The following MCAM variants were observed in gnomAD, a reference collection of about 807,000 sequenced individuals.
MCAM encodes cell surface glycoprotein MUC18.
Under a neutral mutation model 79.1 loss-of-function variants are expected in MCAM, and 55 were observed. The observed-to-expected ratio is 0.70, with a 90% CI of 0.56 to 0.87. The LOEUF (loss-of-function observed/expected upper bound fraction) is 0.87. MCAM is among the 40% of genes least tolerant of loss of function. The pLI is 0.00. For synonymous variants in MCAM, 330 were observed against 339.8 expected, an observed-to-expected ratio of 0.97 and a Z score of 0.32; for missense variants, 745 against 839.8, an observed-to-expected ratio of 0.89 and a Z score of 1.40.
Position 119,314,823 on chromosome 11 carries a change from G to A in MCAM, c.400+10C>T, listed in dbSNP as rs1337603133. On this transcript the variant is annotated intron_variant, in intron 3 of 15. Transcript: ENST00000264036. ...CTCACTACCCTGCTGGCAGACACAGGGTCACGCACTGTAGACGCGGAGCTG... is the reference window on the plus strand; with the variant it reads ...CTCACTACCCTGCTGGCAGACACAGAGTCACGCACTGTAGACGCGGAGCTG... 6.2e-7 allele frequency: 1 copy of A among 1,613,372 alleles called. No individual in the cohort carries two copies. Among genetic ancestry groups the A allele is most frequent in the African/African-American group, 1.3e-5 (1 of 74,916 alleles).
At chr11:119,310,974 T>C (rs1950225591) in intron 13 of MCAM, 71 bp from the exon 14 acceptor site, 1 of 1,613,592 alleles carries the variant, frequency 6.2e-7, no homozygotes, top group African/African-American at 1.3e-5. Flanking sequence ...GCCCAGCCAG[T>C]CCAGGGCCGA....
chr11:119,310,709 C>A, intron 14 of MCAM, 47 bp downstream of exon 14: 1 of 1,592,616 alleles, frequency 6.3e-7, no homozygotes, highest in South Asian at 1.1e-5. Flanking sequence ...AGGCAGCAGG[C>A]TGGGTGGCAA....
chr11:119,313,208 C>A (rs1323296597), intron 5 of MCAM: 1 of 1,448,896 alleles, frequency 6.9e-7, no homozygotes, highest in African/African-American at 1.4e-5. Context: ...GAGCAGCCGT[C>A]TAGATGTCCA....
At chr11:119,313,445 TG>T in intron 5 of MCAM, 8 of 700,894 alleles carry the variant, frequency 1.1e-5, no homozygotes, top group Non-Finnish European at 1.6e-5. Flanking sequence ...TTGCCCAGGC[TG>T]GAGTGCAGTG....
chr11:119,310,243 C>G, intron 15 of MCAM, 106 bp downstream of exon 15: 1 of 820,766 alleles, frequency 1.2e-6, no homozygotes. Context: ...GGGGCCTGCT[C>G]CCTATCTCTG....
chr11:119,314,857 A>G lies in MCAM; in HGVS notation c.376T>C (p.Tyr126His). Residue 126 changes from tyrosine to histidine, a missense_variant, in exon 3 of 16, where the codon TAC becomes CAC. Tyr to His is a moderately conservative substitution (Grantham distance 83). Transcript: ENST00000264036. The stretch of plus-strand genomic sequence containing the variant: ...CTGTAGACGCGGAGCTGGATGCGGT[A>G]CTCCTGGGACCGAGGGCGCTTGCCC... ...CQGKRPRSQE[Y>H]RIQLRVYKAP... The G allele has an allele frequency of 6.2e-7, 1 of 1,613,494 alleles. No individual in the cohort carries two copies. The highest frequency in any genetic ancestry group is 1.1e-5 in the South Asian group (1 of 91,074).
At position 119,311,561 on chromosome 11, in the gene MCAM, C is replaced by G. The variant is rs377301042; in HGVS notation, c.1376G>C (p.Arg459Pro). The part of the protein sequence containing the change: ...NLSCEASGHP[R>P]PTISWNVNGT... ...GTTGACGTTCCAGGAGATGGTGGGC[C>G]GGGGGTGCCCTGACGCTTCACAAGA... The change falls in exon 11 of 16, where the codon CGG (arginine) becomes CCG (proline). Residue 459 changes from arginine to proline, a missense_variant. Arg to Pro is a moderately radical substitution (Grantham distance 103). Coordinates refer to ENST00000264036, the MANE Select transcript of MCAM (RefSeq NM_006500.3). This position sits in a 1 kb window ranked among gnomAD's most constrained non-coding sequence, Gnocchi z 4.4. The G allele has an allele frequency of 6.2e-7, 1 of 1,614,070 alleles. No homozygotes were observed. The highest frequency in any genetic ancestry group is 1.1e-5 in the South Asian group (1 of 91,078).
chr11:119,314,007 T>C (rs917001241), intron 5 of MCAM: 1 of 982,090 alleles, frequency 1.0e-6, no homozygotes, highest in African/African-American at 1.8e-5. Flanking sequence ...GCAGAGATTA[T>C]TTCTGGGAGG....
chr11:119,315,086 G>A lies in MCAM; in HGVS notation c.193-46C>T. 6.2e-7 allele frequency: 1 copy of A among 1,611,478 alleles called. No homozygotes were observed. The highest frequency in any genetic ancestry group is 8.5e-7 in the Non-Finnish European group (1 of 1,179,758). ...GGAGGAGAAGGGTCCTGGGCTACAA[G>A]AGGGGCAGAGTCTCCCTCCCCGGGC... On this transcript the variant is annotated intron_variant, in intron 2 of 15. Coordinates refer to ENST00000264036, the MANE Select transcript of MCAM (RefSeq NM_006500.3). The surrounding 1 kb of genome is among the most constrained non-coding windows in gnomAD (Gnocchi z 4.4).
At chr11:119,310,230 G>GT in intron 15 of MCAM, 119 bp downstream of exon 15, 1 of 765,266 alleles carries the variant, frequency 1.3e-6, no homozygotes, top group African/African-American at 1.7e-5. Context: ...AAGAAGGCAA[G>GT]ATGGGGCCTG....
rs1355845278 is a variant in MCAM at position 119,309,857 on chromosome 11, G to A, written c.*29C>T. 2.5e-6 allele frequency: 4 copies of A among 1,590,120 alleles called. No individual in the cohort carries two copies. In the East Asian group the frequency reaches 9.0e-5, roughly 36 times the overall value. ...GAGCAGGGAGCTGGGAATGGTCCAG[G>A]CAGGGAAGGGAGCTGAAGTGATTCG... On this transcript the variant is annotated 3_prime_UTR_variant, in exon 16 of 16. Transcript: ENST00000264036.
chr11:119,312,939 A>G lies in MCAM; in HGVS notation c.570T>C (p.Ile190=), dbSNP rs1469815224. ...PLKEEKNRVH[I]QSSQTVESSG... Reference sequence around the variant, plus strand: ...TCGACTCCACAGTCTGGGACGACTGAATGTGGACCCCTGGGCAGGGAGGAA... The same window carrying G: ...TCGACTCCACAGTCTGGGACGACTGGATGTGGACCCCTGGGCAGGGAGGAA... The change falls in exon 6 of 16, where the codon ATT becomes ATC. Residue 190 remains isoleucine, a synonymous_variant. Coordinates refer to ENST00000264036, the MANE Select transcript of MCAM (RefSeq NM_006500.3). The surrounding 1 kb of genome is among the most constrained non-coding windows in gnomAD (Gnocchi z 4.9). The G allele has an allele frequency of 6.2e-7, 1 of 1,614,092 alleles. No homozygotes were observed. Among genetic ancestry groups the G allele is most frequent in the Non-Finnish European group, 8.5e-7 (1 of 1,180,026 alleles).
In MCAM at chr11:119,312,106, C is replaced by T; in HGVS notation, c.1089G>A (p.Leu363=). 2 of 1,613,452 alleles carry T rather than the reference C, an allele frequency of 1.2e-6. No homozygotes were observed. The highest frequency in any genetic ancestry group is 1.7e-6 in the Non-Finnish European group (2 of 1,179,796). Reference sequence around the variant, plus strand: ...CCTGGCTACTCTCTGCCTCACAGGTCAGGGTGAGGCTGCTGCCTTCCTGTC... The same window carrying T: ...CCTGGCTACTCTCTGCCTCACAGGTTAGGGTGAGGCTGCTGCCTTCCTGTC... ...PERQEGSSLT[L]TCEAESSQDL... is the part of the protein sequence containing the mutation. Residue 363 remains leucine (L), a synonymous_variant, in exon 9 of 16, where the codon CTG becomes CTA. Coordinates refer to ENST00000264036, the MANE Select transcript of MCAM (RefSeq NM_006500.3). This position sits in a 1 kb window ranked among gnomAD's most constrained non-coding sequence, Gnocchi z 4.9.
intron 5 of MCAM, chr11:119,314,022 G>A (rs994593737): frequency 3.1e-6 from 3 of 982,832 alleles, no homozygotes; most frequent in Non-Finnish European, 3.6e-6. Context: ...GGGAGGGGGG[G>A]TCTCAGGCAA....
chr11:119,310,011 T>C, intron 15 of MCAM, 96 bp from the exon 16 acceptor site: 1 of 1,082,652 alleles, frequency 9.2e-7, no homozygotes, highest in Non-Finnish European at 1.4e-6. Context: ...CAGAAGCCGA[T>C]GAATTTGGTG....
Position 119,310,798 on chromosome 11 carries a change from T to C in MCAM, c.1751A>G (p.Lys584Arg), listed in dbSNP as rs1399264496. The C allele has an allele frequency of 6.2e-7, 1 of 1,614,078 alleles. No homozygotes were observed. The highest frequency in any genetic ancestry group is 8.5e-7 in the Non-Finnish European group (1 of 1,180,000). The change falls in exon 14 of 16, where the codon AAG (lysine) becomes AGG (arginine). Residue 584 changes from lysine to arginine, a missense_variant. Transcript: ENST00000264036. ...VLGAVLYFLY[K>R]KGKLPCRRSG... ...GCGCCTGCACGGCAGCTTGCCCTTC[T>C]TATAGAGGAAATAGAGGACAGCGCC...
At position 119,312,197 on chromosome 11, in the gene MCAM, A is replaced by C; in HGVS notation, c.1025-27T>G. On this transcript the variant is annotated intron_variant, in intron 8 of 15. Coordinates refer to ENST00000264036, the MANE Select transcript of MCAM (RefSeq NM_006500.3). This position sits in a 1 kb window ranked among gnomAD's most constrained non-coding sequence, Gnocchi z 4.9. ...TGGGGGTACAGCAATCATGTCACCC[A>C]GGGCAGGGTGGGGCCAGTTCCCTAT... 6.2e-7 allele frequency: 1 copy of C among 1,610,884 alleles called. No homozygotes were observed. Among genetic ancestry groups the C allele is most frequent in the Non-Finnish European group, 8.5e-7 (1 of 1,177,946 alleles).
Position 119,311,195 on chromosome 11 carries a change from A to G in MCAM, c.1550-10T>C. 6.2e-7 allele frequency: 1 copy of G among 1,613,896 alleles called. No individual in the cohort carries two copies. Among genetic ancestry groups the G allele is most frequent in the Non-Finnish European group, 8.5e-7 (1 of 1,179,794 alleles). ...AGGGTGGTTAAATTGACTAGGAGGC[A>G]GAGGGAGGGGTGTTAGGAGAAGCGC... On this transcript the variant is annotated splice_polypyrimidine_tract_variant and intron_variant, in intron 12 of 15. Coordinates refer to ENST00000264036, the MANE Select transcript of MCAM (RefSeq NM_006500.3). The surrounding 1 kb of genome is among the most constrained non-coding windows in gnomAD (Gnocchi z 4.4).
At chr11:119,313,439 C>A in intron 5 of MCAM, 6 of 844,728 alleles carry the variant, frequency 7.1e-6, no homozygotes, top group Non-Finnish European at 9.6e-6. Flanking sequence ...CTCTTGTTGC[C>A]CAGGCTGGAG....
Sources: allele counts gnomAD v4.1 joint callset, GRCh38; gene constraint gnomAD v4.1.1; non-coding constraint Gnocchi (gnomAD v3.1); transcripts MANE v1.5; gene names NCBI Gene and HGNC (gene_info 2026-07-23, HGNC 2026-07-21).